The following ZMYND8 variants were observed in gnomAD, a reference collection of about 807,000 sequenced individuals.
The protein encoded by ZMYND8 is zinc finger MYND-type containing 8.
A neutral mutation model predicts 140.8 loss-of-function variants in ZMYND8; 37 were observed. The observed-to-expected ratio is 0.26, with a 90% CI of 0.20 to 0.35. ZMYND8 has a LOEUF of 0.35. Ranked by LOEUF, ZMYND8 falls within the 10% of genes least tolerant of loss-of-function variation. The probability of loss-of-function intolerance (pLI) is 1.00; values close to 1 mark genes in which losing one functional copy is unlikely to be tolerated. For missense variants in ZMYND8, 1,068 were observed against 1,570.0 expected (o/e 0.68, Z 5.40); for synonymous variants, 592 against 597.1 (o/e 0.99, Z 0.12).
intron 21 of ZMYND8, among the ~76,000 whole-genome samples, chr20:47,213,460 T>C (rs531282829): frequency 5.3e-5 from 8 of 152,220 alleles, no homozygotes; most frequent in Admixed American, 3.9e-4. Flanking sequence ...ATGAATGATA[T>C]GGTCATAATC....
intron 7 of ZMYND8, among the ~76,000 whole-genome samples, chr20:47,287,946 T>A (rs16992485): frequency 0.038 from 5,779 of 152,264 alleles, 340 homozygotes; most frequent in African/African-American, 0.13. Flanking sequence ...TGAATGAGTA[T>A]GCCAAGGTTC....
At chr20:47,346,949 C>T (rs1032217026) in intron 2 of ZMYND8, among the ~76,000 whole-genome samples, 3 of 152,162 alleles carry the variant, frequency 2.0e-5, no homozygotes, top group African/African-American at 2.4e-5. Context: ...TGGTTTCAGA[C>T]GCCTTTAGGG....
chr20:47,295,718 A>T (rs2077594455), intron 4 of ZMYND8, among the ~76,000 whole-genome samples: 1 of 152,248 alleles, frequency 6.6e-6, no homozygotes, highest in Non-Finnish European at 1.5e-5. Context: ...CATGGGTAAT[A>T]GATATCAGCT....
intron 2 of ZMYND8, among the ~76,000 whole-genome samples, chr20:47,324,800 G>A (rs576778214): frequency 0.016 from 2,376 of 152,278 alleles, 68 homozygotes; most frequent in African/African-American, 0.054. Flanking sequence ...CACTGCCCTA[G>A]AGAGGCCTTC....
chr20:47,227,556 ATAT>A (rs2037872726), intron 17 of ZMYND8, among the ~76,000 whole-genome samples: 1 of 152,228 alleles, frequency 6.6e-6, no homozygotes, highest in African/African-American at 2.4e-5. Context: ...TATAAATAAT[ATAT>A]TAAGGGTTAT....
chr20:47,266,582 C>T (rs950592982), intron 11 of ZMYND8, among the ~76,000 whole-genome samples: 2 of 152,120 alleles, frequency 1.3e-5, no homozygotes, highest in Non-Finnish European at 2.9e-5. Context: ...CTACACTCAG[C>T]CCATTCTTAA....
intron 3 of ZMYND8, among the ~76,000 whole-genome samples, chr20:47,303,589 G>A (rs2078244203): frequency 6.6e-6 from 1 of 152,112 alleles, no homozygotes; most frequent in Non-Finnish European, 1.5e-5. Flanking sequence ...CAGCTACTCA[G>A]GAGGTTGAGG....
At chr20:47,227,344 A>G in intron 17 of ZMYND8, 63 bp from the exon 18 acceptor site, 1 of 1,502,524 alleles carries the variant, frequency 6.7e-7, no homozygotes, top group Non-Finnish European at 9.3e-7. Flanking sequence ...GAGGGCTCAG[A>G]AGCTCAACCA....
At chr20:47,265,254 G>C (rs907164416) in intron 11 of ZMYND8, among the ~76,000 whole-genome samples, 1 of 151,970 alleles carries the variant, frequency 6.6e-6, no homozygotes, top group Non-Finnish European at 1.5e-5. Context: ...AAACTGGCAA[G>C]GTCTAACAGG....
At chr20:47,349,196 T>C (rs990858141) in intron 1 of ZMYND8, 2 of 152,230 alleles carry the variant, frequency 1.3e-5, no homozygotes, top group African/African-American at 4.8e-5. Context: ...GGGAGCTAGA[T>C]AGAATGGAAA....
At chr20:47,281,333 A>G (rs1299086503) in intron 10 of ZMYND8, among the ~76,000 whole-genome samples, 1 of 152,234 alleles carries the variant, frequency 6.6e-6, no homozygotes, top group Non-Finnish European at 1.5e-5. Flanking sequence ...GTGTGTGTAC[A>G]TAATTTGTAG....
At position 47,348,499 on chromosome 20, in the gene ZMYND8, A is replaced by G. The variant is rs562896198; in HGVS notation, c.15-573T>C. On this transcript the variant is annotated intron_variant, in intron 1 of 22. Coordinates refer to ENST00000471951, the MANE Select transcript of ZMYND8 (RefSeq NM_001281775.3). ...GTCTCAAAACACTGAACCGAGGAGC[A>G]CTGATTCCAGCAATCAGACTGGGGT... 4.4e-5 allele frequency: 7 copies of G among 160,418 alleles called. No individual in the cohort carries two copies. The East Asian group carries it at 1.3e-3, about 30-fold the overall frequency. 9.9% of individuals were successfully genotyped at this position (160,418 alleles called of 1,614,324 possible).
intron 19 of ZMYND8, 138 bp from the exon 20 acceptor site, chr20:47,221,612 G>T: frequency 9.2e-7 from 1 of 1,088,696 alleles, no homozygotes; most frequent in Non-Finnish European, 1.2e-6. Flanking sequence ...GGCTCAAGGG[G>T]GCCAGATTGC....
At chr20:47,311,275 A>C (rs1401152263) in intron 2 of ZMYND8, among the ~76,000 whole-genome samples, 2 of 152,100 alleles carry the variant, frequency 1.3e-5, no homozygotes, top group Admixed American at 1.3e-4. Flanking sequence ...ACTCTTGTTC[A>C]TGCACCCCTT....
chr20:47,309,926 C>CA (rs1249057179), intron 3 of ZMYND8, 130 bp downstream of exon 3: 5 of 1,291,832 alleles, frequency 3.9e-6, no homozygotes, highest in Non-Finnish European at 5.4e-6. Context: ...TTGTCCAAGG[C>CA]AAATGACAGC....
At chr20:47,219,371 A>T (rs6012137) in intron 21 of ZMYND8, among the ~76,000 whole-genome samples, 46,116 of 150,726 alleles carry the variant, frequency 0.31, 7,448 homozygotes, top group Non-Finnish European at 0.37. Context: ...AAATTTTTTT[A>T]AAAAATTAGC....
intron 3 of ZMYND8, among the ~76,000 whole-genome samples, chr20:47,304,779 C>T (rs2078350070): frequency 6.6e-6 from 1 of 152,190 alleles, no homozygotes; most frequent in Non-Finnish European, 1.5e-5. Flanking sequence ...GACAGCAGGG[C>T]TGGGCAGAGC....
chr20:47,322,159 C>T (rs1024953986), intron 2 of ZMYND8, among the ~76,000 whole-genome samples: 1 of 152,118 alleles, frequency 6.6e-6, no homozygotes, highest in Non-Finnish European at 1.5e-5. Context: ...CCTCACCCAG[C>T]CTCCCTGTTT....
chr20:47,210,511 A>G lies in ZMYND8; in HGVS notation c.*250T>C. On this transcript the variant is annotated 3_prime_UTR_variant, in exon 23 of 23. Coordinates refer to ENST00000471951, the MANE Select transcript of ZMYND8 (RefSeq NM_001281775.3). ...AAAAGGGGAAAGTCCTCTAGATTCA[A>G]TGACATCCACAAATTGTACATTATT... 1 of 441,820 alleles carries G rather than the reference A, an allele frequency of 2.3e-6. No individual in the cohort carries two copies. Among genetic ancestry groups the G allele is most frequent in the East Asian group, 3.5e-5 (1 of 28,936 alleles). The allele number at this position is 441,820 out of a possible 1,614,324, so 27.4% of individuals were successfully genotyped here.
Sources: allele counts gnomAD v4.1 joint callset (sites outside exome capture counted in the v4.1 genomes callset), GRCh38; gene constraint gnomAD v4.1.1; transcripts MANE v1.5; gene names NCBI Gene and HGNC (gene_info 2026-07-23, HGNC 2026-07-21).